ABCA6: variants seen among roughly 807,000 people sequenced by gnomAD.
ABCA6 encodes ATP-binding cassette sub-family A member 6.
A neutral mutation model predicts 191.2 loss-of-function variants in ABCA6; 164 were observed. That is an observed-to-expected ratio of 0.86 (90% CI 0.76 to 0.98). The LOEUF is 0.98. Ranked by LOEUF, ABCA6 falls within the 50% of genes least tolerant of loss-of-function variation. The pLI, the probability that ABCA6 is intolerant of heterozygous loss-of-function variation, is 0.00. For missense variants in ABCA6, 1,958 were observed against 1,894.1 expected (o/e 1.03, Z -0.63); for synonymous variants, 636 against 647.7 (o/e 0.98, Z 0.27).
intron 10 of ABCA6, among the ~76,000 whole-genome samples, chr17:69,119,220 C>A (rs2073594014): frequency 1.3e-5 from 2 of 152,054 alleles, no homozygotes; most frequent in Non-Finnish European, 2.9e-5. Flanking sequence ...TCTAAAACTG[C>A]ATATGCAGAA....
At chr17:69,105,256 C>A (rs766933888) in intron 20 of ABCA6, 3 of 546,012 alleles carry the variant, frequency 5.5e-6, no homozygotes, top group Non-Finnish European at 9.5e-6. Context: ...TATACAGTGA[C>A]CCAAGTTCTT....
rs765811404 is a variant in ABCA6, at chr17:69,137,477, T to C, written c.120A>G (p.Leu40=). 5 of 1,613,280 alleles carry C rather than the reference T, an allele frequency of 3.1e-6. No homozygotes were observed. The highest frequency in any genetic ancestry group is 4.2e-6 in the Non-Finnish European group (5 of 1,179,624). ...SLLEWGLSIL[L]GLCIALFSSS... ...TGGAAAACAGAGCAATACACAGTCC[T>C]AGAAGTATTGAGAGGCCCCATTCCT... The change falls in exon 3 of 39, where the codon CTA becomes CTG. Residue 40 remains leucine (L), a synonymous_variant. Coordinates refer to ENST00000284425, the MANE Select transcript of ABCA6 (RefSeq NM_080284.3).
chr17:69,130,028 TGCCAA>T (rs1179892471), intron 6 of ABCA6, among the ~76,000 whole-genome samples: 8 of 151,970 alleles, frequency 5.3e-5, no homozygotes, highest in African/African-American at 1.9e-4. Context: ...ATAGAAAGGA[TGCCAA>T]GGCCAGGCAC....
intron 10 of ABCA6, among the ~76,000 whole-genome samples, chr17:69,122,748 T>G (rs2073672844): frequency 6.6e-6 from 1 of 151,756 alleles, no homozygotes; most frequent in South Asian, 2.1e-4. Flanking sequence ...CAAGATGAAG[T>G]GTGGCTGGAT....
Position 69,110,877 on chromosome 17 carries a change from G to T in ABCA6, c.2196C>A (p.Pro732=), listed in dbSNP as rs199854773. 2.5e-5 allele frequency: 40 copies of T among 1,611,852 alleles called. No homozygotes were observed. Among genetic ancestry groups the T allele is most frequent in the African/African-American group, 2.3e-4 (17 of 74,904 alleles). The part of the protein sequence containing the change: ...QITSFITHHI[P]DAKLKTENKE... The stretch of plus-strand genomic sequence containing the variant: ...TGTTTTCTGTTTTTAATTTAGCATC[G>T]GGGATGTGATGAGTAATGAAGGATG... Residue 732 remains proline (P), a synonymous_variant, in exon 17 of 39, where the codon CCC becomes CCA. Coordinates refer to ENST00000284425, the MANE Select transcript of ABCA6 (RefSeq NM_080284.3).
intron 10 of ABCA6, 119 bp from the exon 11 acceptor site, chr17:69,118,075 G>C: frequency 3.2e-6 from 2 of 627,910 alleles, no homozygotes; most frequent in Non-Finnish European, 5.6e-6. Context: ...ATAAGGGATG[G>C]CATAAACAGT....
intron 29 of ABCA6, among the ~76,000 whole-genome samples, chr17:69,086,945 GA>G (rs1438991950): frequency 6.6e-6 from 1 of 152,156 alleles, no homozygotes; most frequent in Non-Finnish European, 1.5e-5. Context: ...TGTCTTGCCA[GA>G]AGAGGGGTGG....
Position 69,081,121 on chromosome 17 carries a change from CT to C in ABCA6, c.4640del (p.Lys1547SerfsTer17). 6.2e-7 allele frequency: 1 copy of C among 1,601,102 alleles called. No homozygotes were observed. The highest frequency in any genetic ancestry group is 1.1e-5 in the South Asian group (1 of 87,586). On this transcript the variant is annotated frameshift_variant, in exon 37 of 39. Transcript: ENST00000284425. LOFTEE classifies it high-confidence loss of function. ...QERYSSLLTY[K>X]LPVADVYPLS... The stretch of plus-strand genomic sequence containing the variant: ...GAGGGTAAACGTCTGCCACGGGCAG[CT>C]TATAGGTTAACAAAGAGGAATACCT...
Position 69,091,332 on chromosome 17 carries a change from A to G in ABCA6, c.3409-70T>C, listed in dbSNP as rs768116004. ...ATTGATATTTTGTAAAACATTTAAGATGCAGGTGTTCTCATGATGTATATC... is the reference window on the plus strand; with the variant it reads ...ATTGATATTTTGTAAAACATTTAAGGTGCAGGTGTTCTCATGATGTATATC... On this transcript the variant is annotated intron_variant, in intron 25 of 38. Coordinates refer to ENST00000284425, the MANE Select transcript of ABCA6 (RefSeq NM_080284.3). The G allele has an allele frequency of 2.8e-4, 428 of 1,529,968 alleles. 1 individual carries two copies. The highest frequency in any genetic ancestry group is 3.5e-4 in the Non-Finnish European group (397 of 1,122,176). The allele number at this position is 1,529,968 out of a possible 1,614,324, so 94.8% of individuals were successfully genotyped here.
At chr17:69,101,688 C>G (rs1428888909) in intron 21 of ABCA6, among the ~76,000 whole-genome samples, 1 of 151,806 alleles carries the variant, frequency 6.6e-6, no homozygotes, top group Non-Finnish European at 1.5e-5. Flanking sequence ...TCATCCTTAC[C>G]CTGCCAAAGA....
chr17:69,084,843 T>G (rs12942993), intron 32 of ABCA6, among the ~76,000 whole-genome samples, 185 bp downstream of exon 32: 46,131 of 152,064 alleles, frequency 0.3, 8,535 homozygotes, highest in South Asian at 0.4. Context: ...ATATAATCAT[T>G]TTTTAAAGAT....
chr17:69,137,250 T>C lies in ABCA6; in HGVS notation c.301+46A>G, dbSNP rs1458016802. On this transcript the variant is annotated intron_variant, in intron 3 of 38. Transcript: ENST00000284425. ...ATGTGTAGACAACTTATCAACAGTA[T>C]ATAGACATCTATCAGTAACTCTTTT... 6 of 1,551,154 alleles carry C rather than the reference T, an allele frequency of 3.9e-6. No homozygotes were observed. The South Asian group carries it at 4.6e-5, about 12-fold the overall frequency.
chr17:69,115,269 C>A, intron 12 of ABCA6, 107 bp downstream of exon 12: 1 of 748,434 alleles, frequency 1.3e-6, no homozygotes, highest in Non-Finnish European at 2.0e-6. Flanking sequence ...TTTAGATAAA[C>A]ATTATTTCTC....
chr17:69,134,397 A>G (rs1162253553), intron 5 of ABCA6, among the ~76,000 whole-genome samples: 1 of 152,156 alleles, frequency 6.6e-6, no homozygotes, highest in African/African-American at 2.4e-5. Flanking sequence ...TCATCACGTG[A>G]GGACACTTAG....
At chr17:69,091,952 T>C (rs1375161379) in intron 25 of ABCA6, among the ~76,000 whole-genome samples, 1 of 150,070 alleles carries the variant, frequency 6.7e-6, no homozygotes, top group Non-Finnish European at 1.5e-5. Flanking sequence ...GTTACATGGC[T>C]ATTATAAAAA....
At position 69,085,042 on chromosome 17, in the gene ABCA6, C is replaced by G; in HGVS notation, c.4170G>C (p.Arg1390Ser). Residue 1390 changes from arginine (R) to serine (S), a missense_variant, in exon 32 of 39, where the codon AGG becomes AGC. Coordinates refer to ENST00000284425, the MANE Select transcript of ABCA6 (RefSeq NM_080284.3). ...CCCGTCTGTACCTTGCGATGGCGAG[C>G]CTCGCGTCCGCTTTCCTGAGCCCCT... ...AVKGLRKADA[R>S]LAIARLVSAF... The G allele has an allele frequency of 6.2e-7, 1 of 1,609,920 alleles. No individual in the cohort carries two copies.
chr17:69,096,950 T>G, intron 23 of ABCA6, 149 bp from the exon 24 acceptor site: 1 of 610,432 alleles, frequency 1.6e-6, no homozygotes, highest in Non-Finnish European at 2.6e-6. Context: ...TACTGCTTAG[T>G]AACATGAGGC....
rs530617442 is a variant in ABCA6, at chr17:69,082,542, C to T, written c.4616+331G>A. On this transcript the variant is annotated intron_variant, in intron 36 of 38. Coordinates refer to ENST00000284425, the MANE Select transcript of ABCA6 (RefSeq NM_080284.3). The stretch of plus-strand genomic sequence containing the variant: ...ATTTTAAATATTTATATATGTTAAG[C>T]GTTTATGAGGAGGCCCAGGAAGGAC... 3.9e-5 allele frequency among the ~76,000 whole-genome samples: 6 copies of T among 152,100 alleles called. No homozygotes were observed. In the South Asian group the frequency reaches 6.2e-4, roughly 16 times the overall value.
rs576513974 is a variant in ABCA6, at chr17:69,141,584, A to T, written c.-46+161T>A. Reference sequence around the variant, plus strand: ...CCATTTTTCTATGTCTTACTGTTACAATCTACACAATAAAAAGTGGTTGGG... The same window carrying T: ...CCATTTTTCTATGTCTTACTGTTACTATCTACACAATAAAAAGTGGTTGGG... On this transcript the variant is annotated intron_variant, in intron 1 of 38. Transcript: ENST00000284425. Among the ~76,000 whole-genome samples, 102 of 151,734 alleles carry T rather than the reference A, an allele frequency of 6.7e-4. 1 individual carries two copies. Among genetic ancestry groups the T allele is most frequent in the South Asian group, 3.5e-3 (17 of 4,800 alleles).
Sources: gnomAD v4.1 joint callset for allele counts (sites outside exome capture counted in the v4.1 genomes callset) on GRCh38, gnomAD v4.1.1 for gene constraint, MANE v1.5 for transcripts, NCBI Gene and HGNC (gene_info 2026-07-23, HGNC 2026-07-21) for gene names.